The following CLIP1 variants were observed in gnomAD, a reference collection of about 807,000 sequenced individuals.
CLIP1 encodes the protein CAP-Gly domain containing linker protein 1, also known as CAP-Gly domain-containing linker protein 1.
CLIP1 carries 66 observed loss-of-function variants against 161.6 expected under a neutral mutation model. The observed-to-expected ratio is 0.41, with a 90% CI of 0.33 to 0.50. CLIP1 has a LOEUF of 0.50. Among genes scored for constraint, CLIP1 ranks in the 20% least tolerant of loss-of-function variants. The pLI, the probability that CLIP1 is intolerant of heterozygous loss-of-function variation, is 0.27. For synonymous variants in CLIP1, 598 were observed against 626.2 expected, an observed-to-expected ratio of 0.96 and a Z score of 0.67; for missense variants, 1,376 against 1,702.0, an observed-to-expected ratio of 0.81 and a Z score of 3.37.
chr12:122,334,516 A>C (rs1209604248), intron 13 of CLIP1, 132 bp downstream of exon 13: 8 of 648,816 alleles, frequency 1.2e-5, no homozygotes, highest in Admixed American at 6.0e-5. Flanking sequence ...AGTCTTTCTG[A>C]GCACGGCAGG....
chr12:122,415,350 C>T (rs1342987883), intron 1 of CLIP1, among the ~76,000 whole-genome samples: 1 of 151,438 alleles, frequency 6.6e-6, no homozygotes, highest in Non-Finnish European at 1.5e-5. Context: ...GGTGTGGTGG[C>T]GGGCGCCTGT....
chr12:122,351,471 TAATG>T (rs887208319), intron 8 of CLIP1, among the ~76,000 whole-genome samples: 2 of 152,224 alleles, frequency 1.3e-5, no homozygotes, highest in Non-Finnish European at 2.9e-5. Flanking sequence ...ATTAAATTGT[TAATG>T]AACCATTAAA....
chr12:122,272,958 G>C lies in CLIP1; in HGVS notation c.4234C>G (p.Arg1412Gly). Residue 1412 changes from arginine to glycine, a missense_variant, in exon 26 of 26, where the codon CGG (arginine) becomes GGG (glycine). Around this residue, in one of 6 missense-constraint regions of CLIP1, gnomAD observed 948 missense variants for 1,134.8 expected, o/e 0.84. Coordinates refer to ENST00000620786, the MANE Select transcript of CLIP1 (RefSeq NM_001247997.2). ...TCACAGTATGGGCGTTCCTCACCCC[G>C]ACTGCCATGGTGTGTGGAATGGGGA... ...DPPHSTHHGS[R>G]GEERPYCEIC... 6.2e-7 allele frequency: 1 copy of C among 1,614,130 alleles called. No individual in the cohort carries two copies. Among genetic ancestry groups the C allele is most frequent in the Non-Finnish European group, 8.5e-7 (1 of 1,180,020 alleles).
In CLIP1 at chr12:122,355,532, G is replaced by A. The variant is rs1953294591; in HGVS notation, c.1006-220C>T. On this transcript the variant is annotated intron_variant, in intron 5 of 25. Coordinates refer to ENST00000620786, the MANE Select transcript of CLIP1 (RefSeq NM_001247997.2). The surrounding 1 kb of genome is among the most constrained non-coding windows in gnomAD (Gnocchi z 4.1). ...TACATCAACGTAAAGAGATCAGCCAGGTGCGGTGGCTCATGCCTGTAATCC... is the reference window on the plus strand; with the variant it reads ...TACATCAACGTAAAGAGATCAGCCAAGTGCGGTGGCTCATGCCTGTAATCC... 1.9e-6 allele frequency: 1 copy of A among 523,760 alleles called. No individual in the cohort carries two copies. Among genetic ancestry groups the A allele is most frequent in the African/African-American group, 1.9e-5 (1 of 52,020 alleles). 32.4% of individuals were successfully genotyped at this position (523,760 alleles called of 1,614,324 possible).
chr12:122,370,161 CAAA>C (rs528180348), intron 3 of CLIP1, among the ~76,000 whole-genome samples: 13 of 109,920 alleles, frequency 1.2e-4, no homozygotes, highest in Admixed American at 1.9e-4. Flanking sequence ...AAACCTATCT[CAAA>C]AAAAAAAAAA....
chr12:122,319,080 C>CT (rs1186543635), intron 18 of CLIP1, 152 bp downstream of exon 18: 17 of 605,350 alleles, frequency 2.8e-5, no homozygotes, highest in Non-Finnish European at 4.5e-5. Context: ...AAGTGATACA[C>CT]TTTATTTAAG....
At chr12:122,333,401 T>A (rs1459188342) in intron 14 of CLIP1, among the ~76,000 whole-genome samples, 3 of 152,120 alleles carry the variant, frequency 2.0e-5, no homozygotes, top group Non-Finnish European at 4.4e-5. Context: ...GGGGCTTCCC[T>A]GAGGTGCTGA....
chr12:122,415,689 T>C (rs1258553716), intron 1 of CLIP1, among the ~76,000 whole-genome samples: 2 of 148,120 alleles, frequency 1.4e-5, no homozygotes, highest in South Asian at 2.2e-4. Flanking sequence ...CGTGGTGGAG[T>C]GTGCCTGTAA....
chr12:122,328,654 C>G (rs1215244862), intron 15 of CLIP1, among the ~76,000 whole-genome samples: 1 of 152,068 alleles, frequency 6.6e-6, no homozygotes, highest in African/African-American at 2.4e-5. Flanking sequence ...GCATGATCTC[C>G]GCTCACTGCA....
intron 1 of CLIP1, among the ~76,000 whole-genome samples, chr12:122,388,421 G>A (rs1275417976): frequency 6.6e-6 from 1 of 152,032 alleles, no homozygotes; most frequent in Admixed American, 6.6e-5. Flanking sequence ...GGGTTTCACC[G>A]TGTTAGCCAG....
intron 11 of CLIP1, 58 bp downstream of exon 11, chr12:122,340,693 CAT>C (rs1952457304): frequency 2.2e-6 from 3 of 1,373,638 alleles, no homozygotes; most frequent in East Asian, 2.3e-5. Flanking sequence ...TCAAAAGTAA[CAT>C]AATGCAAAAC....
intron 20 of CLIP1, among the ~76,000 whole-genome samples, chr12:122,303,182 G>C (rs1305969972): frequency 6.6e-6 from 1 of 152,060 alleles, no homozygotes; most frequent in African/African-American, 2.4e-5. Context: ...TCTTCTCTTT[G>C]AACAGTTGTT....
At chr12:122,405,799 T>C (rs1295521152) in intron 1 of CLIP1, among the ~76,000 whole-genome samples, 1 of 148,550 alleles carries the variant, frequency 6.7e-6, no homozygotes, top group Non-Finnish European at 1.5e-5. Flanking sequence ...CCGGGTGTGG[T>C]TGCTCACGGC....
In CLIP1 at chr12:122,340,930, A is replaced by G. The variant is rs768007820; in HGVS notation, c.2274T>C (p.Val758=). The G allele has an allele frequency of 4.3e-6, 7 of 1,614,168 alleles. No individual in the cohort carries two copies. In the South Asian group the frequency reaches 5.5e-5, roughly 13 times the overall value. ...LQAKCNEQTK[V]IDNFTSQLKA... The stretch of plus-strand genomic sequence containing the variant: ...TGAGCTGTGATGTAAAATTATCAAT[A>G]ACCTTGGTTTGTTCATTGCATTTGG... Residue 758 remains valine, a synonymous_variant, in exon 11 of 26, where the codon GTT becomes GTC. Coordinates refer to ENST00000620786, the MANE Select transcript of CLIP1 (RefSeq NM_001247997.2).
chr12:122,393,377 G>C (rs376850367), intron 1 of CLIP1, among the ~76,000 whole-genome samples: 19 of 151,174 alleles, frequency 1.3e-4, no homozygotes, highest in Non-Finnish European at 2.2e-4. Flanking sequence ...GGCCAGGAGG[G>C]TCTCGATTTC....
intron 19 of CLIP1, among the ~76,000 whole-genome samples, chr12:122,313,744 C>G (rs1479882781): frequency 6.6e-6 from 1 of 152,022 alleles, no homozygotes; most frequent in East Asian, 1.9e-4. Context: ...CAAAAAAAAA[C>G]TATGTCTTCA....
intron 4 of CLIP1, 58 bp from the exon 5 acceptor site, chr12:122,361,239 T>A: frequency 7.1e-7 from 1 of 1,411,816 alleles, no homozygotes; most frequent in Non-Finnish European, 9.8e-7. Flanking sequence ...AAATAATAAC[T>A]ATAACCAAAA....
At chr12:122,413,724 T>C (rs1420687859) in intron 1 of CLIP1, among the ~76,000 whole-genome samples, 1 of 152,222 alleles carries the variant, frequency 6.6e-6, no homozygotes, top group Non-Finnish European at 1.5e-5. Context: ...TTCTGTAATA[T>C]GACTACTTCC....
intron 5 of CLIP1, among the ~76,000 whole-genome samples, chr12:122,359,584 T>C (rs1399618213): frequency 6.6e-6 from 1 of 152,212 alleles, no homozygotes; most frequent in Non-Finnish European, 1.5e-5. Flanking sequence ...CATGCTTTTC[T>C]CATAAAAGTA....
Sources: gnomAD v4.1 joint callset for allele counts (sites outside exome capture counted in the v4.1 genomes callset) on GRCh38, gnomAD v4.1.1 for gene constraint, gnomAD v4.1.1 regional missense constraint, Gnocchi (gnomAD v3.1) non-coding constraint, MANE v1.5 for transcripts, NCBI Gene and HGNC (gene_info 2026-07-23, HGNC 2026-07-21) for gene names.